The following SLC35F3 variants were observed in gnomAD, a reference collection of about 807,000 sequenced individuals.
SLC35F3 encodes putative thiamine transporter SLC35F3.
SLC35F3 carries 25 observed loss-of-function variants against 49.9 expected under a neutral mutation model. The ratio of observed to expected loss-of-function variants is 0.50; its 90% confidence interval spans 0.37 to 0.70. SLC35F3 has a LOEUF of 0.70. Among genes scored for constraint, SLC35F3 ranks in the 30% least tolerant of loss-of-function variants. SLC35F3 has a pLI of 0.00. For synonymous variants in SLC35F3, 275 were observed against 265.4 expected, an observed-to-expected ratio of 1.04 and a Z score of -0.35; for missense variants, 525 against 639.8, an observed-to-expected ratio of 0.82 and a Z score of 1.94.
intron 2 of SLC35F3, among the ~76,000 whole-genome samples, chr1:234,039,144 G>C (rs1664184846): frequency 6.6e-6 from 1 of 152,182 alleles, no homozygotes; most frequent in Non-Finnish European, 1.5e-5. Context: ...GCTCTAAACA[G>C]GATGAAATCA....
At chr1:234,043,399 T>G (rs1664250226) in intron 2 of SLC35F3, among the ~76,000 whole-genome samples, 2 of 152,194 alleles carry the variant, frequency 1.3e-5, no homozygotes, top group South Asian at 4.1e-4. Context: ...AAAATTATAT[T>G]AAACTCATAC....
At chr1:234,072,970 G>A (rs1199586339) in intron 2 of SLC35F3, among the ~76,000 whole-genome samples, 1 of 152,180 alleles carries the variant, frequency 6.6e-6, no homozygotes, top group Non-Finnish European at 1.5e-5. Flanking sequence ...GACAGGCGTG[G>A]GCACTGGGAG....
intron 3 of SLC35F3, among the ~76,000 whole-genome samples, chr1:234,241,548 C>T (rs1225183840): frequency 6.6e-6 from 1 of 152,016 alleles, no homozygotes; most frequent in Admixed American, 6.6e-5. Context: ...CCAGCCTGAC[C>T]AACATGGCAA....
rs543296868 is a variant in SLC35F3 at position 234,008,924 on chromosome 1, T to A, written c.283+103166T>A. Reference sequence around the variant, plus strand: ...TTCATTCAGTTATCAGACTGATTCCTGGTGTTCCCTTTTCCTTTTTTCTGG... The same window carrying A: ...TTCATTCAGTTATCAGACTGATTCCAGGTGTTCCCTTTTCCTTTTTTCTGG... On this transcript the variant is annotated intron_variant, in intron 2 of 7. Coordinates refer to ENST00000366618, the MANE Select transcript of SLC35F3 (RefSeq NM_173508.4). Among the ~76,000 whole-genome samples the A allele has an allele frequency of 2.6e-5, 4 of 152,246 alleles. No homozygotes were observed. In the East Asian group the frequency reaches 7.7e-4, roughly 29 times the overall value.
At chr1:233,978,165 A>G (rs577090972) in intron 2 of SLC35F3, among the ~76,000 whole-genome samples, 1 of 152,142 alleles carries the variant, frequency 6.6e-6, no homozygotes, top group Non-Finnish European at 1.5e-5. Context: ...GCTCTGAAGA[A>G]GGAAAAAAAA....
At chr1:234,088,595 G>A (rs1471652324) in intron 2 of SLC35F3, among the ~76,000 whole-genome samples, 2 of 152,150 alleles carry the variant, frequency 1.3e-5, no homozygotes, top group African/African-American at 2.4e-5. Context: ...CTCAATAGAA[G>A]TACCGAATTA....
intron 2 of SLC35F3, among the ~76,000 whole-genome samples, chr1:233,913,517 A>T (rs1367558950): frequency 6.6e-6 from 1 of 152,160 alleles, no homozygotes. Flanking sequence ...AGGGCTTGTT[A>T]TTGTGTCTCC....
chr1:234,304,039 TTCC>T (rs1668734312), intron 3 of SLC35F3, among the ~76,000 whole-genome samples: 2 of 25,670 alleles, frequency 7.8e-5, no homozygotes, highest in African/African-American at 2.6e-4. Context: ...CCTTCCTTCC[TTCC>T]TTCTTTCTTT....
chr1:234,117,599 A>AAG (rs1197909984), intron 2 of SLC35F3, among the ~76,000 whole-genome samples: 1 of 150,186 alleles, frequency 6.7e-6, no homozygotes, highest in Non-Finnish European at 1.5e-5. Flanking sequence ...CTAAAAAAAA[A>AAG]AAACAGGCTG....
At chr1:233,920,037 G>T (rs1241287196) in intron 2 of SLC35F3, among the ~76,000 whole-genome samples, 1 of 152,172 alleles carries the variant, frequency 6.6e-6, no homozygotes, top group Non-Finnish European at 1.5e-5. Context: ...TGTTAATGCC[G>T]TTTGCAGATA....
At chr1:233,941,769 T>C (rs750822329) in intron 2 of SLC35F3, among the ~76,000 whole-genome samples, 7 of 152,098 alleles carry the variant, frequency 4.6e-5, no homozygotes, top group Non-Finnish European at 8.8e-5. Context: ...ATCACTAACC[T>C]TTAGGACTAG....
At chr1:234,066,844 AC>A (rs1558219761) in intron 2 of SLC35F3, among the ~76,000 whole-genome samples, 6 of 143,412 alleles carry the variant, frequency 4.2e-5, no homozygotes, top group Non-Finnish European at 9.3e-5. Flanking sequence ...ACACACACAC[AC>A]ACACACACAC....
At chr1:234,275,333 C>CA (rs138666704) in intron 3 of SLC35F3, among the ~76,000 whole-genome samples, 8,520 of 150,656 alleles carry the variant, frequency 0.057, 288 homozygotes, top group African/African-American at 0.094. Context: ...TCCCAAAATC[C>CA]CAAAAAAAAA....
chr1:234,215,164 C>T (rs1393520711), intron 2 of SLC35F3: 1 of 152,406 alleles, frequency 6.6e-6, no homozygotes, highest in Non-Finnish European at 1.5e-5. Context: ...CAGCACCAGT[C>T]TGTAAACAGG....
At chr1:234,165,439 T>C (rs1666299857) in intron 2 of SLC35F3, among the ~76,000 whole-genome samples, 1 of 152,186 alleles carries the variant, frequency 6.6e-6, no homozygotes, top group South Asian at 2.1e-4. Context: ...CCCCTTTCAG[T>C]TGAATACAGT....
intron 2 of SLC35F3, among the ~76,000 whole-genome samples, chr1:234,183,081 A>G (rs1666586441): frequency 7.0e-6 from 1 of 143,066 alleles, no homozygotes; most frequent in Admixed American, 7.8e-5. Context: ...CAGTGGCACA[A>G]TCTCAGCTCA....
chr1:234,159,843 C>T (rs1164846378), intron 2 of SLC35F3, among the ~76,000 whole-genome samples: 1 of 152,178 alleles, frequency 6.6e-6, no homozygotes, highest in Non-Finnish European at 1.5e-5. Context: ...AATCACTACA[C>T]AATCATGGCA....
chr1:234,137,053 C>T (rs905838567), intron 2 of SLC35F3, among the ~76,000 whole-genome samples: 1 of 152,216 alleles, frequency 6.6e-6, no homozygotes, highest in African/African-American at 2.4e-5. Flanking sequence ...AGACATGGCT[C>T]CAGCTTTAGG....
intron 2 of SLC35F3, among the ~76,000 whole-genome samples, chr1:233,987,925 C>G (rs963920730): frequency 6.6e-6 from 1 of 152,118 alleles, no homozygotes; most frequent in Admixed American, 6.5e-5. Context: ...ATTGTTATTT[C>G]AGTTTCTTCT....
Sources: gnomAD v4.1 joint callset for allele counts (sites outside exome capture counted in the v4.1 genomes callset) on GRCh38, gnomAD v4.1.1 for gene constraint, MANE v1.5 for transcripts, NCBI Gene and HGNC (gene_info 2026-07-23, HGNC 2026-07-21) for gene names.